The following ZDHHC21 variants were observed in gnomAD, a reference collection of about 807,000 sequenced individuals.
ZDHHC21 encodes the protein palmitoyltransferase ZDHHC21.
Under a neutral mutation model 34.6 loss-of-function variants are expected in ZDHHC21, and 15 were observed. That is an observed-to-expected ratio of 0.43 (90% CI 0.29 to 0.67). The LOEUF is 0.67. Among genes scored for constraint, ZDHHC21 ranks in the 30% least tolerant of loss-of-function variants. The pLI is 0.14. For synonymous variants in ZDHHC21, 142 were observed against 101.8 expected, an observed-to-expected ratio of 1.40 and a Z score of -2.38; for missense variants, 344 against 327.7, an observed-to-expected ratio of 1.05 and a Z score of -0.38.
intron 8 of ZDHHC21, among the ~76,000 whole-genome samples, chr9:14,623,103 A>G (rs1039405537): frequency 5.3e-5 from 8 of 152,018 alleles, no homozygotes; most frequent in Non-Finnish European, 8.8e-5. Context: ...ATGCTTTAGG[A>G]CATTGCCTGG....
At chr9:14,650,454 T>C (rs1301977902) in intron 7 of ZDHHC21, among the ~76,000 whole-genome samples, 1 of 152,004 alleles carries the variant, frequency 6.6e-6, no homozygotes, top group African/African-American at 2.4e-5. Flanking sequence ...AATGTGTATT[T>C]TAGCAATTTT....
intron 5 of ZDHHC21, among the ~76,000 whole-genome samples, chr9:14,671,932 GA>G (rs1305784419): frequency 6.6e-6 from 1 of 152,026 alleles, no homozygotes; most frequent in Non-Finnish European, 1.5e-5. Flanking sequence ...ATACACACAT[GA>G]ACAATTCAAG....
chr9:14,651,575 A>G (rs1228348896), intron 7 of ZDHHC21, among the ~76,000 whole-genome samples: 1 of 151,928 alleles, frequency 6.6e-6, no homozygotes, highest in Admixed American at 6.6e-5. Context: ...TTTTCCACTA[A>G]TCCAAGTAAT....
intron 7 of ZDHHC21, among the ~76,000 whole-genome samples, chr9:14,646,115 T>C (rs1830243546): frequency 6.6e-6 from 1 of 152,162 alleles, no homozygotes; most frequent in African/African-American, 2.4e-5. Context: ...CACAATAGCA[T>C]TATTTATAAC....
chr9:14,644,801 T>TAC (rs1302164053), intron 7 of ZDHHC21, among the ~76,000 whole-genome samples: 1 of 148,804 alleles, frequency 6.7e-6, no homozygotes, highest in African/African-American at 2.5e-5. Context: ...TTTATATATA[T>TAC]ACACACATAC....
At chr9:14,651,415 A>C (rs1451432932) in intron 7 of ZDHHC21, among the ~76,000 whole-genome samples, 1 of 151,850 alleles carries the variant, frequency 6.6e-6, no homozygotes, top group African/African-American at 2.4e-5. Flanking sequence ...CAAGCACATG[A>C]CTTAGGGACA....
At chr9:14,672,677 A>G (rs1835688784) in intron 5 of ZDHHC21, among the ~76,000 whole-genome samples, 153 bp downstream of exon 5, 1 of 152,072 alleles carries the variant, frequency 6.6e-6, no homozygotes, top group Non-Finnish European at 1.5e-5. Context: ...TTGCAATTTT[A>G]AGTAGAGAAG....
intron 3 of ZDHHC21, among the ~76,000 whole-genome samples, chr9:14,674,932 T>A (rs1332981434): frequency 6.6e-5 from 10 of 152,014 alleles, no homozygotes; most frequent in Non-Finnish European, 1.3e-4. Flanking sequence ...TATCTACATA[T>A]GTAAACATTC....
intron 1 of ZDHHC21, among the ~76,000 whole-genome samples, chr9:14,692,306 A>T (rs1053198563): frequency 1.3e-5 from 2 of 152,188 alleles, no homozygotes; most frequent in Admixed American, 6.5e-5. Flanking sequence ...GAAAGCAGTG[A>T]ATTTTTAAAA....
intron 6 of ZDHHC21, among the ~76,000 whole-genome samples, chr9:14,661,440 AT>A (rs1833378262): frequency 1.3e-5 from 2 of 152,208 alleles, no homozygotes; most frequent in Admixed American, 1.3e-4. Flanking sequence ...AATACTACAT[AT>A]ATGTATACAG....
intron 7 of ZDHHC21, among the ~76,000 whole-genome samples, chr9:14,640,470 A>G (rs1027276111): frequency 6.6e-6 from 1 of 152,152 alleles, no homozygotes; most frequent in Non-Finnish European, 1.5e-5. Context: ...AGTGACCAAG[A>G]TATCTAGAAA....
At chr9:14,665,580 G>C (rs141120302) in intron 5 of ZDHHC21, among the ~76,000 whole-genome samples, 1 of 148,660 alleles carries the variant, frequency 6.7e-6, no homozygotes, top group Non-Finnish European at 1.5e-5. Context: ...AGGAAAAAAT[G>C]TTAAGGGCAG....
Position 14,634,992 on chromosome 9 carries a change from TA to T in ZDHHC21, c.621+4903del, listed in dbSNP as rs1388160583. ...GAGGAATTTACTAAACAAATACAAA[TA>T]AAAAAGAACCAAACAAACTGAAGAA... On this transcript the variant is annotated intron_variant, in intron 8 of 9. Coordinates refer to ENST00000380916, the MANE Select transcript of ZDHHC21 (RefSeq NM_178566.6). 2.0e-5 allele frequency among the ~76,000 whole-genome samples: 3 copies of T among 151,234 alleles called. 1 individual carries two copies. The highest frequency in any genetic ancestry group is 2.0e-4 in the Admixed American group (3 of 15,218).
chr9:14,688,499 G>C (rs946413719), intron 2 of ZDHHC21, among the ~76,000 whole-genome samples: 4 of 150,784 alleles, frequency 2.7e-5, no homozygotes, highest in South Asian at 2.1e-4. Flanking sequence ...GTAGGGGTAG[G>C]ATTGCTTGAG....
intron 8 of ZDHHC21, among the ~76,000 whole-genome samples, chr9:14,626,214 A>G (rs1245042252): frequency 6.6e-6 from 1 of 151,986 alleles, no homozygotes; most frequent in Non-Finnish European, 1.5e-5. Context: ...ATAATAATAT[A>G]TCAATAAAAT....
In ZDHHC21 at chr9:14,643,523, C is replaced by G. The variant is rs892383841; in HGVS notation, c.505-3511G>C. 2.0e-5 allele frequency among the ~76,000 whole-genome samples: 3 copies of G among 152,122 alleles called. No individual in the cohort carries two copies. The South Asian group carries it at 6.2e-4, about 32-fold the overall frequency. ...TTTATAAACTAAAGTCTTAATTTTA[C>G]GTAGTCCAATGTATCAATCTTTTCC... On this transcript the variant is annotated intron_variant, in intron 7 of 9. Coordinates refer to ENST00000380916, the MANE Select transcript of ZDHHC21 (RefSeq NM_178566.6).
chr9:14,638,564 A>G (rs1276958904), intron 8 of ZDHHC21, among the ~76,000 whole-genome samples: 1 of 152,030 alleles, frequency 6.6e-6, no homozygotes, highest in Non-Finnish European at 1.5e-5. Context: ...AAAAAGCTGT[A>G]TAGTAAACAA....
At chr9:14,675,793 C>A (rs1479575955) in intron 3 of ZDHHC21, among the ~76,000 whole-genome samples, 3 of 151,828 alleles carry the variant, frequency 2.0e-5, no homozygotes, top group Non-Finnish European at 4.4e-5. Flanking sequence ...ACCAGTTAAA[C>A]GAGGAATCAA....
In ZDHHC21 at chr9:14,640,912, C is replaced by T. The variant is rs79459813; in HGVS notation, c.505-900G>A. On this transcript the variant is annotated intron_variant, in intron 7 of 9. Transcript: ENST00000380916. ...TTTCATTTACTCTCACTGTTACCAA[C>T]CAACCAGACCAGAGGAAGGAGAGAG... Among the ~76,000 whole-genome samples, 404 of 152,166 alleles carry T rather than the reference C, an allele frequency of 2.7e-3. 5 individuals are homozygous for T. In the East Asian group the frequency reaches 0.044, roughly 16 times the overall value.
Sources: allele counts gnomAD v4.1 joint callset (sites outside exome capture counted in the v4.1 genomes callset), GRCh38; gene constraint gnomAD v4.1.1; transcripts MANE v1.5; gene names NCBI Gene and HGNC (gene_info 2026-07-23, HGNC 2026-07-21).